MAPK4: variants seen among roughly 807,000 people sequenced by gnomAD.
The protein encoded by MAPK4 is mitogen-activated protein kinase 4, also known as Erk3-related.
A neutral mutation model predicts 47.7 loss-of-function variants in MAPK4; 22 were observed. That is an observed-to-expected ratio of 0.46 (90% CI 0.33 to 0.66). The LOEUF (loss-of-function observed/expected upper bound fraction) is 0.66, where lower values mean the gene tolerates loss of function less well. Ranked by LOEUF, MAPK4 falls within the 30% of genes least tolerant of loss-of-function variation. MAPK4 has a pLI of 0.02. For synonymous variants in MAPK4, 390 were observed against 365.7 expected (o/e 1.07, Z -0.76); for missense variants, 736 against 831.7 (o/e 0.88, Z 1.42).
chr18:50,703,494 G>A (rs1449605786), intron 2 of MAPK4, among the ~76,000 whole-genome samples: 2 of 152,292 alleles, frequency 1.3e-5, no homozygotes, highest in Non-Finnish European at 1.5e-5. Flanking sequence ...GATAAGTGGG[G>A]GAGGCAGTGC....
chr18:50,685,090 G>A (rs749387904), intron 2 of MAPK4, among the ~76,000 whole-genome samples: 1 of 152,184 alleles, frequency 6.6e-6, no homozygotes. Flanking sequence ...TGCTCCTTTG[G>A]GAACAAAACC....
intron 1 of MAPK4, among the ~76,000 whole-genome samples, chr18:50,642,599 G>A (rs1340579060): frequency 6.6e-6 from 1 of 152,212 alleles, no homozygotes; most frequent in Admixed American, 6.5e-5. Flanking sequence ...GGAAGCATGA[G>A]TTGAACAACC....
intron 1 of MAPK4, among the ~76,000 whole-genome samples, chr18:50,580,723 C>T (rs2042336047): frequency 6.6e-6 from 1 of 152,200 alleles, no homozygotes; most frequent in Non-Finnish European, 1.5e-5. Context: ...GTTGGCCCTG[C>T]TCCGTGGAAC....
chr18:50,594,370 C>A (rs1359138961), intron 1 of MAPK4, among the ~76,000 whole-genome samples: 4 of 151,912 alleles, frequency 2.6e-5, no homozygotes, highest in African/African-American at 7.3e-5. Flanking sequence ...TAATATTAAC[C>A]ATCACAGCTG....
Position 50,616,004 on chromosome 18 carries a change from G to A in MAPK4, c.-870-47085G>A, listed in dbSNP as rs528310635. Among the ~76,000 whole-genome samples, 133 of 152,280 alleles carry A rather than the reference G, an allele frequency of 8.7e-4. 1 individual carries two copies. The highest frequency in any genetic ancestry group is 3.1e-3 in the African/African-American group (130 of 41,556). On this transcript the variant is annotated intron_variant, in intron 1 of 5. Transcript: ENST00000400384. ...TCTTTTTCCATAAAATGAGGGATTT[G>A]GACTAAACTTCTGGTTTACAAACTG...
intron 1 of MAPK4, among the ~76,000 whole-genome samples, chr18:50,646,071 G>A (rs1283629499): frequency 6.6e-6 from 1 of 152,190 alleles, no homozygotes; most frequent in African/African-American, 2.4e-5. Context: ...GATAAAAATG[G>A]AAGGCATCAA....
intron 2 of MAPK4, among the ~76,000 whole-genome samples, chr18:50,679,110 C>T (rs181986318): frequency 1.3e-5 from 2 of 152,264 alleles, no homozygotes; most frequent in East Asian, 3.9e-4. Flanking sequence ...CTGAGTTCCC[C>T]ATGAAGGAGA....
At chr18:50,578,215 C>T (rs1303808495) in intron 1 of MAPK4, among the ~76,000 whole-genome samples, 1 of 152,204 alleles carries the variant, frequency 6.6e-6, no homozygotes, top group Admixed American at 6.5e-5. Flanking sequence ...GCTCAGCTAT[C>T]CTGGAAAAGG....
At chr18:50,680,979 G>T (rs1908554192) in intron 2 of MAPK4, among the ~76,000 whole-genome samples, 1 of 152,188 alleles carries the variant, frequency 6.6e-6, no homozygotes, top group Non-Finnish European at 1.5e-5. Flanking sequence ...GCTACTGCTT[G>T]AGGAGCTACC....
At chr18:50,618,704 A>G (rs2042705319) in intron 1 of MAPK4, among the ~76,000 whole-genome samples, 1 of 152,176 alleles carries the variant, frequency 6.6e-6, no homozygotes, top group Admixed American at 6.5e-5. Context: ...TATCTTTAGA[A>G]ATGTTAGAGA....
chr18:50,613,258 T>C (rs2149378372), intron 1 of MAPK4, among the ~76,000 whole-genome samples: 1 of 152,308 alleles, frequency 6.6e-6, no homozygotes, highest in East Asian at 1.9e-4. Flanking sequence ...AGAGAGTGTC[T>C]CTTGTTGGCT....
chr18:50,586,107 G>A (rs2042385612), intron 1 of MAPK4, among the ~76,000 whole-genome samples: 1 of 152,032 alleles, frequency 6.6e-6, no homozygotes, highest in Non-Finnish European at 1.5e-5. Flanking sequence ...CTCTGTACAG[G>A]GACATCTTAT....
chr18:50,643,429 G>A (rs1165500555), intron 1 of MAPK4, among the ~76,000 whole-genome samples: 3 of 152,242 alleles, frequency 2.0e-5, no homozygotes, highest in African/African-American at 4.8e-5. Context: ...AGGCTAAGGC[G>A]GGAGGATCAC....
chr18:50,696,641 G>T (rs1432134219), intron 2 of MAPK4, among the ~76,000 whole-genome samples: 6 of 152,250 alleles, frequency 3.9e-5, no homozygotes, highest in African/African-American at 7.2e-5. Context: ...AGCCTCAGCT[G>T]GTGTGATTGA....
Position 50,681,814 on chromosome 18 carries a change from G to A in MAPK4, c.546+17310G>A, listed in dbSNP as rs556756990. ...TATGCTATCTCAACTACTGCAGTTT[G>A]TAGTCCGTTTTGAAGTCAGGAAGTA... On this transcript the variant is annotated intron_variant, in intron 2 of 5. Coordinates refer to ENST00000400384, the MANE Select transcript of MAPK4 (RefSeq NM_002747.4). 1.2e-4 allele frequency among the ~76,000 whole-genome samples: 18 copies of A among 152,252 alleles called. No homozygotes were observed. In the South Asian group the frequency reaches 1.7e-3, roughly 14 times the overall value.
In MAPK4 at chr18:50,663,711, A is replaced by G. The variant is rs889240106; in HGVS notation, c.-248A>G. 2 of 410,860 alleles carry G rather than the reference A, an allele frequency of 4.9e-6. No individual in the cohort carries two copies. Among genetic ancestry groups the G allele is most frequent in the Non-Finnish European group, 8.7e-6 (2 of 230,218 alleles). The allele number at this position is 410,860 out of a possible 1,614,324, so 25.5% of individuals were successfully genotyped here. ...GAAGGGTTCAGGAAACACAGGAATT[A>G]GTAGACAGCCCTCCCAATGCAGGTT... On this transcript the variant is annotated 5_prime_UTR_variant, in exon 2 of 6. Coordinates refer to ENST00000400384, the MANE Select transcript of MAPK4 (RefSeq NM_002747.4).
intron 1 of MAPK4, among the ~76,000 whole-genome samples, chr18:50,611,587 A>G (rs2042634031): frequency 6.6e-6 from 1 of 152,242 alleles, no homozygotes; most frequent in African/African-American, 2.4e-5. Context: ...CCTTGCAGAT[A>G]AGATCCCATG....
In MAPK4 at chr18:50,664,113, C is replaced by T. The variant is rs140972647; in HGVS notation, c.155C>T (p.Ala52Val). The T allele has an allele frequency of 6.2e-7, 1 of 1,614,088 alleles. No individual in the cohort carries two copies. Among genetic ancestry groups the T allele is most frequent in the Non-Finnish European group, 8.5e-7 (1 of 1,180,030 alleles). The change falls in exon 2 of 6, where the codon GCC (alanine) becomes GTC (valine). Residue 52 changes from alanine to valine, a missense_variant. Ala to Val is a moderately conservative substitution (Grantham distance 64). Around this residue, in one of 3 missense-constraint regions of MAPK4, gnomAD observed 327 missense variants for 395.4 expected, o/e 0.83. Coordinates refer to ENST00000400384, the MANE Select transcript of MAPK4 (RefSeq NM_002747.4). This position sits in a 1 kb window ranked among gnomAD's most constrained non-coding sequence, Gnocchi z 6.0. The part of the protein sequence containing the change: ...ACRKVAVKKI[A>V]LSDARSMKHA... The stretch of plus-strand genomic sequence containing the variant: ...CGGAAGGTCGCTGTGAAGAAGATTG[C>T]CCTGAGCGATGCCCGCAGCATGAAG...
chr18:50,563,845 A>C (rs1370424104), intron 1 of MAPK4, among the ~76,000 whole-genome samples: 1 of 152,130 alleles, frequency 6.6e-6, no homozygotes, highest in East Asian at 1.9e-4. Flanking sequence ...CTCAGGGGAA[A>C]ACCAATCTGT....
Sources: allele counts gnomAD v4.1 joint callset (sites outside exome capture counted in the v4.1 genomes callset), GRCh38; gene constraint gnomAD v4.1.1; regional missense constraint gnomAD v4.1.1; non-coding constraint Gnocchi (gnomAD v3.1); transcripts MANE v1.5; gene names NCBI Gene and HGNC (gene_info 2026-07-23, HGNC 2026-07-21).